The following XKR9 variants were observed in gnomAD, a reference collection of about 807,000 sequenced individuals.
XKR9 encodes the protein XK related 9, also known as XK-related protein 9.
XKR9 carries 32 observed loss-of-function variants against 32.0 expected under a neutral mutation model. The observed-to-expected ratio is 1.00, with a 90% CI of 0.76 to 1.34. The LOEUF (loss-of-function observed/expected upper bound fraction) is 1.34, where lower values mean the gene tolerates loss of function less well. Ranked by LOEUF, XKR9 falls within the 40% of genes most tolerant of loss-of-function variation. The pLI is 0.00. For missense variants in XKR9, 546 were observed against 429.7 expected (o/e 1.27, Z -2.39); for synonymous variants, 168 against 143.4 (o/e 1.17, Z -1.22).
At chr8:70,756,274 T>C (rs986489809) in intron 2 of XKR9, among the ~76,000 whole-genome samples, 1 of 152,234 alleles carries the variant, frequency 6.6e-6, no homozygotes, top group Non-Finnish European at 1.5e-5. Context: ...TGTTGCTTTA[T>C]AGTAAGTTTT....
At chr8:70,808,868 G>T in the XKR9 span, among the ~76,000 whole-genome samples, 1 of 152,244 alleles carries the variant, frequency 6.6e-6, no homozygotes, top group Admixed American at 6.5e-5. Flanking sequence ...CACCACTGGG[G>T]GCAGGGCATA....
intron 4 of XKR9, among the ~76,000 whole-genome samples, chr8:70,718,431 C>A (rs1288795411): frequency 6.6e-6 from 1 of 151,978 alleles, no homozygotes; most frequent in African/African-American, 2.4e-5. Context: ...GTTTTAAGCC[C>A]CGCATGCATT....
intron 3 of XKR9, chr8:70,683,541 G>A: frequency 2.2e-6 from 1 of 451,088 alleles, no homozygotes; most frequent in Non-Finnish European, 4.5e-6. Flanking sequence ...AGGCTGGCCT[G>A]CAGTGGCGCC....
the XKR9 span, among the ~76,000 whole-genome samples, chr8:70,899,887 T>A: frequency 6.6e-6 from 1 of 152,362 alleles, no homozygotes; most frequent in East Asian, 1.9e-4. Context: ...ATCATTTTAA[T>A]ACATATATCT....
chr8:70,999,231 CA>C, the XKR9 span, among the ~76,000 whole-genome samples: 1 of 152,118 alleles, frequency 6.6e-6, no homozygotes, highest in Admixed American at 6.5e-5. Context: ...AAGATTTCTC[CA>C]AAAGATCACA....
the XKR9 span, among the ~76,000 whole-genome samples, chr8:70,976,622 T>G: frequency 4.2e-4 from 64 of 152,346 alleles, no homozygotes; most frequent in Middle Eastern, 3.4e-3. Flanking sequence ...AGTTTGCCAG[T>G]ATTTTATGGA....
the XKR9 span, among the ~76,000 whole-genome samples, chr8:71,055,908 T>C: frequency 6.6e-6 from 1 of 152,242 alleles, no homozygotes; most frequent in Non-Finnish European, 1.5e-5. Flanking sequence ...TTAGTTAACT[T>C]GGCTCTTTTT....
At chr8:70,671,211 A>G (rs1260223130) in intron 1 of XKR9, among the ~76,000 whole-genome samples, 3 of 152,160 alleles carry the variant, frequency 2.0e-5, no homozygotes, top group Non-Finnish European at 2.9e-5. Flanking sequence ...TGGCTGAGAT[A>G]AACTTTTTAG....
chr8:70,884,835 T>G, the XKR9 span, among the ~76,000 whole-genome samples: 1 of 152,210 alleles, frequency 6.6e-6, no homozygotes, highest in African/African-American at 2.4e-5. Flanking sequence ...AATTCTTCTC[T>G]TTTAATATCG....
chr8:70,973,365 A>G, the XKR9 span, among the ~76,000 whole-genome samples: 3 of 152,054 alleles, frequency 2.0e-5, no homozygotes, highest in Non-Finnish European at 1.5e-5. Context: ...TTCTTCATTA[A>G]TCTTGCTAGT....
chr8:70,954,394 A>G, the XKR9 span, among the ~76,000 whole-genome samples: 1 of 152,192 alleles, frequency 6.6e-6, no homozygotes, highest in East Asian at 1.9e-4. Context: ...GTAGGTGCAT[A>G]ACAGTGTCCT....
At chr8:70,942,215 T>A in the XKR9 span, among the ~76,000 whole-genome samples, 1 of 152,164 alleles carries the variant, frequency 6.6e-6, no homozygotes, top group African/African-American at 2.4e-5. Context: ...AGTCTTGTCC[T>A]AAGGTAAGAG....
At chr8:70,801,938 C>CTT in the XKR9 span, among the ~76,000 whole-genome samples, 5 of 142,518 alleles carry the variant, frequency 3.5e-5, no homozygotes, top group Admixed American at 7.0e-5. Flanking sequence ...CTTTTTCTTT[C>CTT]TTTTTTTTTT....
intron 4 of XKR9, among the ~76,000 whole-genome samples, chr8:70,718,051 G>T (rs1325299917): frequency 1.3e-5 from 2 of 152,046 alleles, no homozygotes; most frequent in Non-Finnish European, 2.9e-5. Context: ...GGACTTTATT[G>T]TTCATATCAC....
the XKR9 span, among the ~76,000 whole-genome samples, chr8:70,893,188 C>A: frequency 6.6e-6 from 1 of 151,836 alleles, no homozygotes; most frequent in Non-Finnish European, 1.5e-5. Flanking sequence ...CTATTTGGTT[C>A]TTTTGTAAAA....
At chr8:70,720,192 T>G (rs1311844367) in intron 4 of XKR9, among the ~76,000 whole-genome samples, 2 of 151,934 alleles carry the variant, frequency 1.3e-5, no homozygotes, top group Non-Finnish European at 2.9e-5. Flanking sequence ...GCTTAACGAG[T>G]TTTTGGGCTG....
the XKR9 span, among the ~76,000 whole-genome samples, chr8:70,951,039 G>C: frequency 1.0e-3 from 159 of 152,216 alleles, 1 homozygote; most frequent in African/African-American, 3.8e-3. Context: ...GCCCAGACTG[G>C]TGTCATTCAG....
Position 70,707,039 on chromosome 8 carries a change from A to G in XKR9, c.379A>G (p.Arg127Gly). The part of the protein sequence containing the change: ...QIDLHKEVID[R>G]VTDLSMLRLF... ...TGATCTACATAAAGAAGTTATAGAT[A>G]GAGTGACTGATTTGAGCATGCTCAG... is the stretch of plus-strand genomic sequence containing the variant. The change falls in exon 4 of 5, where the codon AGA becomes GGA. Residue 127 changes from arginine to glycine, a missense_variant. By Grantham distance (125) the Arg-to-Gly change is moderately radical (BLOSUM62 -2). Coordinates refer to ENST00000408926, the MANE Select transcript of XKR9 (RefSeq NM_001011720.2). 3 of 1,613,514 alleles carry G rather than the reference A, an allele frequency of 1.9e-6. No individual in the cohort carries two copies. The highest frequency in any genetic ancestry group is 1.7e-6 in the Non-Finnish European group (2 of 1,179,518).
intron 2 of XKR9, among the ~76,000 whole-genome samples, chr8:70,764,535 T>C (rs7017481): frequency 0.33 from 50,224 of 152,072 alleles, 9,428 homozygotes; most frequent in Non-Finnish European, 0.43. Context: ...AGTCTATGAT[T>C]AAGATGACCA....
Sources: allele counts gnomAD v4.1 joint callset (sites outside exome capture counted in the v4.1 genomes callset), GRCh38; gene constraint gnomAD v4.1.1; transcripts MANE v1.5; gene names NCBI Gene and HGNC (gene_info 2026-07-23, HGNC 2026-07-21).